Variants in CACNA1I observed in about 807,000 individuals in gnomAD.
The protein encoded by CACNA1I is voltage-dependent T-type calcium channel subunit alpha-1I.
In CACNA1I, 74 loss-of-function variants were observed where a neutral mutation model predicts 201.6. The observed-to-expected ratio is 0.37, with a 90% confidence interval of 0.30 to 0.45. CACNA1I has a LOEUF of 0.45. Among genes scored for constraint, CACNA1I ranks in the 20% least tolerant of loss-of-function variants. The probability of loss-of-function intolerance (pLI) is 1.00; values close to 1 mark genes in which losing one functional copy is unlikely to be tolerated. For synonymous variants in CACNA1I, 1,431 were observed against 1,345.2 expected (o/e 1.06, Z -1.40); for missense variants, 2,346 against 3,138.1 (o/e 0.75, Z 6.03).
chr22:39,628,289 A>G (rs1203059563), intron 4 of CACNA1I, among the ~76,000 whole-genome samples: 1 of 152,180 alleles, frequency 6.6e-6, no homozygotes, highest in Admixed American at 6.5e-5. Context: ...CCCCTTCCCC[A>G]AAGGCTGACA....
chr22:39,619,477 C>T (rs1306777483), intron 4 of CACNA1I, 70 bp downstream of exon 4: 2 of 1,152,752 alleles, frequency 1.7e-6, no homozygotes, highest in Admixed American at 1.7e-5. Flanking sequence ...CCTGGCCTAC[C>T]TAGCCAATGC....
At chr22:39,584,418 A>G (rs1054728850) in intron 1 of CACNA1I, among the ~76,000 whole-genome samples, 3 of 152,172 alleles carry the variant, frequency 2.0e-5, no homozygotes, top group Non-Finnish European at 4.4e-5. Flanking sequence ...AGGTTCCCAG[A>G]GACTTCCCAG....
At position 39,674,011 on chromosome 22, in the gene CACNA1I, C is replaced by T; in HGVS notation, c.4832C>T (p.Thr1611Met). The change falls in exon 29 of 37, where the codon ACG becomes ATG. Residue 1611 changes from threonine to methionine, a missense_variant. Thr to Met is a moderately conservative substitution (Grantham distance 81). Transcript: ENST00000402142. ...MATGMRALLD[T>M]VVQALPQVGN... Reference sequence around the variant, plus strand: ...ACAGGAATGCGGGCCCTGCTGGACACGGTGGTGCAAGCTTTGCCCCAGGTA... The same window carrying T: ...ACAGGAATGCGGGCCCTGCTGGACATGGTGGTGCAAGCTTTGCCCCAGGTA... 2.5e-6 allele frequency: 4 copies of T among 1,613,390 alleles called. No homozygotes were observed. Among genetic ancestry groups the T allele is most frequent in the South Asian group, 1.1e-5 (1 of 91,058 alleles).
chr22:39,664,288 C>A (rs1334015195), intron 20 of CACNA1I, 129 bp downstream of exon 20: 1 of 736,240 alleles, frequency 1.4e-6, no homozygotes, highest in Non-Finnish European at 2.3e-6. Context: ...ATGGCCCACC[C>A]CTCTGGGTGC....
At chr22:39,679,050 T>A in intron 31 of CACNA1I, 57 bp from the exon 32 acceptor site, 1 of 1,401,162 alleles carries the variant, frequency 7.1e-7, no homozygotes, top group Non-Finnish European at 9.7e-7. Flanking sequence ...GGCCTCTGCC[T>A]CCAGCAGCCT....
At chr22:39,618,709 G>A (rs929563619) in intron 3 of CACNA1I, among the ~76,000 whole-genome samples, 2 of 151,902 alleles carry the variant, frequency 1.3e-5, no homozygotes, top group African/African-American at 4.8e-5. Flanking sequence ...GAGGTGCCAG[G>A]GGAAGGGTCT....
rs141440125 is a variant in CACNA1I at position 39,683,075 on chromosome 22, A to G, written c.5830+414A>G. On this transcript the variant is annotated intron_variant, in intron 35 of 36. Coordinates refer to ENST00000402142, the MANE Select transcript of CACNA1I (RefSeq NM_021096.4). ...CTTCATATACACGGGGATGTTAAAC[A>G]TAGGAAAGCCTGGTGTCTTCAATAG... Among the ~76,000 whole-genome samples the G allele has an allele frequency of 1.7e-3, 264 of 152,312 alleles. 2 individuals are homozygous for G. Among genetic ancestry groups the G allele is most frequent in the Admixed American group, 2.7e-3 (42 of 15,304 alleles).
At chr22:39,662,978 C>T in intron 18 of CACNA1I, 102 bp downstream of exon 18, 1 of 785,016 alleles carries the variant, frequency 1.3e-6, no homozygotes, top group African/African-American at 1.7e-5. Context: ...CTCTCCCAGA[C>T]CACAGCGGAC....
At chr22:39,598,293 T>TGCCCG in intron 2 of CACNA1I, 31 bp downstream of exon 2, 1 of 851,290 alleles carries the variant, frequency 1.2e-6, no homozygotes, top group South Asian at 2.1e-5. Flanking sequence ...CGCCCCGCCC[T>TGCCCG]GCCCTCATCC....
chr22:39,597,389 G>A (rs896682766), intron 1 of CACNA1I, among the ~76,000 whole-genome samples: 1 of 152,196 alleles, frequency 6.6e-6, no homozygotes, highest in African/African-American at 2.4e-5. Context: ...TCATGGAGGG[G>A]CTCTCAGCAG....
intron 10 of CACNA1I, among the ~76,000 whole-genome samples, chr22:39,651,973 A>T (rs1934663710): frequency 6.6e-6 from 1 of 151,110 alleles, no homozygotes; most frequent in South Asian, 2.1e-4. Flanking sequence ...CCTCCTCAGG[A>T]TCTGCCTCTC....
At chr22:39,646,941 C>T in intron 8 of CACNA1I, 60 bp downstream of exon 8, 1 of 1,442,724 alleles carries the variant, frequency 6.9e-7, no homozygotes, top group Non-Finnish European at 9.1e-7. Context: ...TCACTCCTTT[C>T]CAGCACGTCC....
rs771608235 is a variant in CACNA1I, at chr22:39,679,301, C to T, written c.5250C>T (p.Leu1750=). The T allele has an allele frequency of 9.5e-5, 149 of 1,560,286 alleles. No individual in the cohort carries two copies. The highest frequency in any genetic ancestry group is 1.3e-4 in the Non-Finnish European group (145 of 1,152,928). The change falls in exon 32 of 37, where the codon CTC becomes CTT. Residue 1750 remains leucine, a synonymous_variant. Coordinates refer to ENST00000402142, the MANE Select transcript of CACNA1I (RefSeq NM_021096.4). ...AGGACGCCGAGATGGATGCCGAGCT[C>T]GAGCTGGAGATGGCCCATGGCCTGG... ...AQEDAEMDAE[L]ELEMAHGLGP... is the part of the protein sequence containing the mutation.
intron 4 of CACNA1I, among the ~76,000 whole-genome samples, chr22:39,624,087 G>A (rs574563478): frequency 2.7e-5 from 4 of 150,374 alleles, no homozygotes; most frequent in Middle Eastern, 3.6e-3. Context: ...GTGAGAGCGC[G>A]TGTGTGAAGA....
intron 3 of CACNA1I, among the ~76,000 whole-genome samples, chr22:39,615,287 C>A (rs1933500431): frequency 6.6e-6 from 1 of 152,142 alleles, no homozygotes; most frequent in African/African-American, 2.4e-5. Flanking sequence ...ATTATGGAGA[C>A]CCTTGAAGGT....
rs528251136 is a variant in CACNA1I, at chr22:39,629,723, G to T, written c.581-4842G>T. ...GGTTTCTGTCCCACGTGAGACCCCC[G>T]GGAGGCAGCGACCACACAGCTGTGG... On this transcript the variant is annotated intron_variant, in intron 4 of 36. Coordinates refer to ENST00000402142, the MANE Select transcript of CACNA1I (RefSeq NM_021096.4). This position sits in a 1 kb window ranked among gnomAD's most constrained non-coding sequence, Gnocchi z 4.8. Among the ~76,000 whole-genome samples, 6 of 152,100 alleles carry T rather than the reference G, an allele frequency of 3.9e-5. No individual in the cohort carries two copies. Among genetic ancestry groups the T allele is most frequent in the Non-Finnish European group, 7.3e-5 (5 of 68,032 alleles).
chr22:39,601,069 CTG>C (rs1361500258), intron 3 of CACNA1I, among the ~76,000 whole-genome samples: 1 of 152,226 alleles, frequency 6.6e-6, no homozygotes, highest in African/African-American at 2.4e-5. Context: ...TGACTCCAGA[CTG>C]TGGTTATTTC....
At position 39,677,898 on chromosome 22, in the gene CACNA1I, G is replaced by A. The variant is rs979589537; in HGVS notation, c.4934-89G>A. ...AGGCCCCTCCTAGGGTGTGATGAGG[G>A]TTCTGAGGCGAGGCGGGAGGCACCA... is the stretch of plus-strand genomic sequence containing the variant. On this transcript the variant is annotated intron_variant, in intron 30 of 36. Coordinates refer to ENST00000402142, the MANE Select transcript of CACNA1I (RefSeq NM_021096.4). The surrounding 1 kb of genome is among the most constrained non-coding windows in gnomAD (Gnocchi z 4.8). The A allele has an allele frequency of 8.3e-6, 12 of 1,440,080 alleles. No homozygotes were observed. The highest frequency in any genetic ancestry group is 2.8e-5 in the African/African-American group (2 of 71,322). The allele number at this position is 1,440,080 out of a possible 1,614,324, so 89.2% of individuals were successfully genotyped here.
Position 39,648,660 on chromosome 22 carries a change from A to G in CACNA1I, c.1567+734A>G, listed in dbSNP as rs1371476420. 2.0e-5 allele frequency among the ~76,000 whole-genome samples: 3 copies of G among 152,086 alleles called. No homozygotes were observed. The highest frequency in any genetic ancestry group is 4.8e-5 in the African/African-American group (2 of 41,368). Reference sequence around the variant, plus strand: ...TGTGGAAATGAAGGGTAGGCGTGACATGCTTTTCTTTCCCTTTCATGTTAC... The same window carrying G: ...TGTGGAAATGAAGGGTAGGCGTGACGTGCTTTTCTTTCCCTTTCATGTTAC... On this transcript the variant is annotated intron_variant, in intron 9 of 36. Transcript: ENST00000402142. This position sits in a 1 kb window ranked among gnomAD's most constrained non-coding sequence, Gnocchi z 5.4.
Sources: allele counts gnomAD v4.1 joint callset (sites outside exome capture counted in the v4.1 genomes callset), GRCh38; gene constraint gnomAD v4.1.1; non-coding constraint Gnocchi (gnomAD v3.1); transcripts MANE v1.5; gene names NCBI Gene and HGNC (gene_info 2026-07-23, HGNC 2026-07-21).